CTTN: variants seen among roughly 807,000 people sequenced by gnomAD.
CTTN encodes src substrate cortactin.
Under a neutral mutation model 84.0 loss-of-function variants are expected in CTTN, and 28 were observed. The ratio of observed to expected loss-of-function variants is 0.33; its 90% CI spans 0.25 to 0.46. CTTN has a LOEUF of 0.46. CTTN is among the 20% of genes least tolerant of loss of function. The pLI is 1.00. For synonymous variants in CTTN, 301 were observed against 288.8 expected (o/e 1.04, Z -0.43); for missense variants, 641 against 723.8 (o/e 0.89, Z 1.31).
chr11:70,424,278 G>A (rs1386826280), intron 12 of CTTN, among the ~76,000 whole-genome samples: 11 of 152,112 alleles, frequency 7.2e-5, no homozygotes, highest in Non-Finnish European at 2.9e-5. Context: ...CTTTGAGGCC[G>A]GAACCTGAGG....
chr11:70,435,278 T>TTTTTTTGGG lies in CTTN; in HGVS notation c.*116_*117insTTTTTTGGG. The TTTTTTTGGG allele has an allele frequency of 9.0e-7, 1 of 1,113,744 alleles. No individual in the cohort carries two copies. Among genetic ancestry groups the TTTTTTTGGG allele is most frequent in the South Asian group, 1.9e-5 (1 of 52,412 alleles). 69.0% of individuals were successfully genotyped at this position (1,113,744 alleles called of 1,614,324 possible). A position where few individuals can be genotyped will look rare whatever the true frequency, so the allele number is the denominator to read the frequency against. On this transcript the variant is annotated 3_prime_UTR_variant, in exon 18 of 18. Coordinates refer to ENST00000301843, the MANE Select transcript of CTTN (RefSeq NM_005231.4). ...GTTTTTTTTTTTTTTTTTTTTTTTT[T>TTTTTTTGGG]GAAGGTGGGGAGGGGAATATACACA...
intron 1 of CTTN, among the ~76,000 whole-genome samples, chr11:70,401,306 T>C (rs2057975950): frequency 6.8e-6 from 1 of 146,866 alleles, no homozygotes; most frequent in Non-Finnish European, 1.5e-5. Flanking sequence ...CCGTCTCTAC[T>C]AAAAAAAAAA....
At position 70,436,509 on chromosome 11, in the gene CTTN, C is replaced by A; in HGVS notation, c.*1347C>A. 1 of 956,780 alleles carries A rather than the reference C, an allele frequency of 1.0e-6. No homozygotes were observed. The highest frequency in any genetic ancestry group is 1.6e-6 in the Non-Finnish European group (1 of 627,004). The allele number at this position is 956,780 out of a possible 1,614,324, so 59.3% of individuals were successfully genotyped here. Reference sequence around the variant, plus strand: ...TATGCAACTTATTGTATCTGAATTCCTGTAGCACACCTCATAGGTATGATT... The same window carrying A: ...TATGCAACTTATTGTATCTGAATTCATGTAGCACACCTCATAGGTATGATT... On this transcript the variant is annotated 3_prime_UTR_variant, in exon 18 of 18. Transcript: ENST00000301843.
At chr11:70,417,190 T>G in intron 8 of CTTN, 67 bp downstream of exon 8, 5 of 1,133,348 alleles carry the variant, frequency 4.4e-6, no homozygotes, top group Non-Finnish European at 5.4e-6. Context: ...GCATTTTCTC[T>G]CTGCACACGT....
At chr11:70,415,903 A>C in intron 7 of CTTN, 186 bp downstream of exon 7, 1 of 622,976 alleles carries the variant, frequency 1.6e-6, no homozygotes, top group Non-Finnish European at 2.9e-6. Flanking sequence ...ATGTTTCTGG[A>C]TCATCTGGAT....
At chr11:70,432,633 T>G (rs1366209886) in intron 15 of CTTN, among the ~76,000 whole-genome samples, 2 of 152,248 alleles carry the variant, frequency 1.3e-5, no homozygotes, top group Non-Finnish European at 2.9e-5. Flanking sequence ...GTCTGTAGGC[T>G]CAGCTGCTCT....
At chr11:70,423,865 A>G (rs1802028361) in intron 12 of CTTN, among the ~76,000 whole-genome samples, 1 of 152,184 alleles carries the variant, frequency 6.6e-6, no homozygotes, top group African/African-American at 2.4e-5. Flanking sequence ...GGGGGGGTCT[A>G]CTTTGAGAAG....
intron 13 of CTTN, 54 bp from the exon 14 acceptor site, chr11:70,428,997 G>C: frequency 6.2e-7 from 1 of 1,603,986 alleles, no homozygotes; most frequent in East Asian, 2.2e-5. Context: ...CTGTTGTCCA[G>C]GAGCAGTGTT....
intron 13 of CTTN, among the ~76,000 whole-genome samples, chr11:70,425,769 A>G (rs944282740): frequency 2.0e-5 from 3 of 152,308 alleles, no homozygotes; most frequent in Admixed American, 6.5e-5. Context: ...GACAGGAGGA[A>G]GACATCATGA....
intron 1 of CTTN, among the ~76,000 whole-genome samples, chr11:70,404,743 C>T (rs1051499192): frequency 6.6e-6 from 1 of 152,236 alleles, no homozygotes; most frequent in Non-Finnish European, 1.5e-5. Flanking sequence ...TGCCTCACAC[C>T]TGTAATCCCA....
chr11:70,422,394 T>G, intron 11 of CTTN: 1 of 785,682 alleles, frequency 1.3e-6, no homozygotes, highest in African/African-American at 1.8e-5. Flanking sequence ...TGGCAGTGGC[T>G]CTCCGTGGCA....
At chr11:70,421,689 C>T in intron 11 of CTTN, 109 bp downstream of exon 11, 1 of 744,960 alleles carries the variant, frequency 1.3e-6, no homozygotes, top group Non-Finnish European at 2.4e-6. Flanking sequence ...CCTCCTGTGT[C>T]ACCACTTGTC....
chr11:70,407,249 G>A (rs1363264305), intron 2 of CTTN, 49 bp from the exon 3 acceptor site: 2 of 1,504,736 alleles, frequency 1.3e-6, no homozygotes, highest in Admixed American at 2.0e-5. Flanking sequence ...GCTGGCCTCT[G>A]TGGATGGCGC....
chr11:70,417,187 C>G (rs2058173810), intron 8 of CTTN, 64 bp downstream of exon 8: 9 of 1,179,454 alleles, frequency 7.6e-6, no homozygotes, highest in Non-Finnish European at 1.1e-5. Flanking sequence ...AGGGCATTTT[C>G]TCTCTGCACA....
chr11:70,435,904 C>T lies in CTTN; in HGVS notation c.*742C>T, dbSNP rs1327168420. ...GAGTCCTTGAAATCCTCCCCTGCCCCGCGGGTCTCTGGATTGGGACGCACA... is the reference window on the plus strand; with the variant it reads ...GAGTCCTTGAAATCCTCCCCTGCCCTGCGGGTCTCTGGATTGGGACGCACA... On this transcript the variant is annotated 3_prime_UTR_variant, in exon 18 of 18. Transcript: ENST00000301843. The T allele has an allele frequency of 1.7e-5, 25 of 1,473,110 alleles. No homozygotes were observed. Among genetic ancestry groups the T allele is most frequent in the Admixed American group, 1.3e-4 (5 of 37,114 alleles). 91.3% of individuals were successfully genotyped at this position (1,473,110 alleles called of 1,614,324 possible). A position where few individuals can be genotyped will look rare whatever the true frequency, so the allele number is the denominator to read the frequency against.
chr11:70,413,731 A>G (rs774616429), intron 5 of CTTN, among the ~76,000 whole-genome samples: 1 of 152,194 alleles, frequency 6.6e-6, no homozygotes, highest in Non-Finnish European at 1.5e-5. Flanking sequence ...CTCCTGCCTG[A>G]ACAGGGTGCT....
At chr11:70,403,439 G>A (rs964209485) in intron 1 of CTTN, among the ~76,000 whole-genome samples, 3 of 151,944 alleles carry the variant, frequency 2.0e-5, no homozygotes, top group Non-Finnish European at 2.9e-5. Context: ...CGCCCGCCTC[G>A]GCCTCCGAAA....
At chr11:70,424,498 A>G (rs1309940720) in intron 12 of CTTN, among the ~76,000 whole-genome samples, 8 of 152,052 alleles carry the variant, frequency 5.3e-5, no homozygotes, top group African/African-American at 1.9e-4. Flanking sequence ...GGGTCCCCAT[A>G]CATTGTGGGG....
intron 5 of CTTN, among the ~76,000 whole-genome samples, chr11:70,412,210 T>C (rs1352703879): frequency 1.3e-5 from 2 of 152,156 alleles, no homozygotes; most frequent in East Asian, 1.9e-4. Flanking sequence ...GATGATCTTA[T>C]CAGCCCAGGA....
Sources: gnomAD v4.1 joint callset for allele counts (sites outside exome capture counted in the v4.1 genomes callset) on GRCh38, gnomAD v4.1.1 for gene constraint, MANE v1.5 for transcripts, NCBI Gene and HGNC (gene_info 2026-07-23, HGNC 2026-07-21) for gene names.